Variants in DLEU7 observed in about 807,000 individuals in gnomAD.
DLEU7 encodes the protein leukemia-associated protein 7.
Under a neutral mutation model 16.0 loss-of-function variants are expected in DLEU7, and 17 were observed. That is an observed-to-expected ratio of 1.06 (90% CI 0.73 to 1.59). The LOEUF is 1.59. DLEU7 is among the 40% of genes most tolerant of loss of function. The pLI is 0.00. For missense variants in DLEU7, 308 were observed against 314.9 expected, an observed-to-expected ratio of 0.98 and a Z score of 0.17; for synonymous variants, 113 against 139.8, an observed-to-expected ratio of 0.81 and a Z score of 1.35.
chr13:50,792,624 A>G (rs1179398773), intron 1 of DLEU7, among the ~76,000 whole-genome samples: 1 of 94,604 alleles, frequency 1.1e-5, no homozygotes, highest in African/African-American at 3.5e-5. Context: ...AACTGAACTT[A>G]ATCAATCAAA....
intron 1 of DLEU7, among the ~76,000 whole-genome samples, chr13:50,737,507 G>C (rs759465670): frequency 1.9e-4 from 29 of 152,108 alleles, no homozygotes; most frequent in Non-Finnish European, 2.2e-4. Flanking sequence ...ATCACATTTT[G>C]GTAATTCTTC....
At chr13:50,797,215 GA>G (rs1876130249) in intron 1 of DLEU7, among the ~76,000 whole-genome samples, 1 of 152,106 alleles carries the variant, frequency 6.6e-6, no homozygotes, top group South Asian at 2.1e-4. Flanking sequence ...TAGTTGGCAT[GA>G]AAAAGCGTGC....
intron 1 of DLEU7, among the ~76,000 whole-genome samples, chr13:50,804,419 G>GTT (rs1163813483): frequency 7.0e-6 from 1 of 143,852 alleles, no homozygotes; most frequent in African/African-American, 2.5e-5. Flanking sequence ...GTTTTATGGG[G>GTT]TTTTTTTTTT....
At chr13:50,749,090 C>T (rs1874487043) in intron 1 of DLEU7, among the ~76,000 whole-genome samples, 1 of 151,040 alleles carries the variant, frequency 6.6e-6, no homozygotes, top group Non-Finnish European at 1.5e-5. Flanking sequence ...ATTCTTATAC[C>T]TTTGTGTCCT....
At chr13:50,752,287 G>A (rs551239501) in intron 1 of DLEU7, among the ~76,000 whole-genome samples, 16 of 152,126 alleles carry the variant, frequency 1.1e-4, no homozygotes, top group Admixed American at 5.2e-4. Context: ...TCCTGACCTC[G>A]TGATCCACCC....
intron 1 of DLEU7, among the ~76,000 whole-genome samples, chr13:50,716,308 A>G (rs1352575190): frequency 6.6e-6 from 1 of 152,238 alleles, no homozygotes; most frequent in Non-Finnish European, 1.5e-5. Context: ...CCCTTGTTTC[A>G]TTGAAATGTT....
At chr13:50,839,020 C>A (rs1015513525) in intron 1 of DLEU7, among the ~76,000 whole-genome samples, 2 of 152,142 alleles carry the variant, frequency 1.3e-5, no homozygotes, top group Non-Finnish European at 2.9e-5. Flanking sequence ...TAAGTCACCC[C>A]GTCTTTGGTA....
downstream of DLEU7, among the ~76,000 whole-genome samples, chr13:50,819,301 A>C (rs898341045): frequency 1.3e-5 from 2 of 152,132 alleles, no homozygotes; most frequent in Admixed American, 6.5e-5. Flanking sequence ...TCATATTTGA[A>C]GAGGTGAGTG....
intron 1 of DLEU7, among the ~76,000 whole-genome samples, chr13:50,725,732 C>T (rs1477515611): frequency 6.6e-6 from 1 of 152,142 alleles, no homozygotes; most frequent in Non-Finnish European, 1.5e-5. Context: ...GGTTCAGCTG[C>T]TGGGTTAATC....
At chr13:50,757,561 T>A (rs1845445837) in intron 1 of DLEU7, among the ~76,000 whole-genome samples, 1 of 152,208 alleles carries the variant, frequency 6.6e-6, no homozygotes, top group African/African-American at 2.4e-5. Flanking sequence ...ACTCGAGCGC[T>A]CACACCTTCA....
intron 1 of DLEU7, chr13:50,723,056 ATTAGTATG>A (rs1873666063): frequency 6.6e-6 from 1 of 152,216 alleles, no homozygotes; most frequent in Non-Finnish European, 1.5e-5. Context: ...AATGTTGAAC[ATTAGTATG>A]TTTCTAATTT....
Position 50,843,057 on chromosome 13 carries a change from C to T in DLEU7, c.459+131G>A, listed in dbSNP as rs1877723357. 1 of 960,862 alleles carries T rather than the reference C, an allele frequency of 1.0e-6. No homozygotes were observed. The highest frequency in any genetic ancestry group is 1.5e-6 in the Non-Finnish European group (1 of 685,168). 59.5% of individuals were successfully genotyped at this position (960,862 alleles called of 1,614,324 possible). A position where few individuals can be genotyped will look rare whatever the true frequency, so the allele number is the denominator to read the frequency against. Reference sequence around the variant, plus strand: ...GTCCCCCGCCCCCTTCCTTCTCCCACTGGGGCTGAATCACAGTGGGCAGCA... The same window carrying T: ...GTCCCCCGCCCCCTTCCTTCTCCCATTGGGGCTGAATCACAGTGGGCAGCA... On this transcript the variant is annotated intron_variant, in intron 1 of 1. Coordinates refer to ENST00000504404, the MANE Select transcript of DLEU7 (RefSeq NM_001306135.2). The surrounding 1 kb of genome is among the most constrained non-coding windows in gnomAD (Gnocchi z 5.7).
intron 1 of DLEU7, among the ~76,000 whole-genome samples, chr13:50,830,499 T>C (rs1877228658): frequency 6.6e-6 from 1 of 152,222 alleles, no homozygotes; most frequent in African/African-American, 2.4e-5. Flanking sequence ...ACCCCAATTC[T>C]ATGGAAGAAT....
chr13:50,785,980 C>T (rs1875784701), intron 1 of DLEU7, among the ~76,000 whole-genome samples: 1 of 152,178 alleles, frequency 6.6e-6, no homozygotes, highest in Non-Finnish European at 1.5e-5. Context: ...TGAACAGACT[C>T]TAGCATAAAG....
chr13:50,812,658 A>G (rs955772482), intron 1 of DLEU7, among the ~76,000 whole-genome samples: 1 of 152,162 alleles, frequency 6.6e-6, no homozygotes, highest in Non-Finnish European at 1.5e-5. Flanking sequence ...ACAGCTTTAC[A>G]TCAATCACAA....
chr13:50,774,489 A>G (rs1251204008), intron 1 of DLEU7, among the ~76,000 whole-genome samples: 1 of 152,148 alleles, frequency 6.6e-6, no homozygotes, highest in Non-Finnish European at 1.5e-5. Flanking sequence ...ATGTTTATAC[A>G]CTTCTACATA....
At chr13:50,753,380 C>G (rs561315869) in intron 1 of DLEU7, among the ~76,000 whole-genome samples, 1 of 152,176 alleles carries the variant, frequency 6.6e-6, no homozygotes, top group Non-Finnish European at 1.5e-5. Context: ...TGGGGAGGCT[C>G]GGGCTGCACA....
At position 50,767,584 on chromosome 13, in the gene DLEU7, C is replaced by A. The variant is rs183305205; in HGVS notation, c.460-54344G>T. Among the ~76,000 whole-genome samples the A allele has an allele frequency of 1.6e-3, 239 of 152,196 alleles. 1 individual carries two copies. The highest frequency in any genetic ancestry group is 3.3e-3 in the Admixed American group (51 of 15,302). ...TTCAAGAGGGAGAAGCATACTGAAC[C>A]CTGTCTGTCTTCCCCAGTGGAGCTC... is the stretch of plus-strand genomic sequence containing the variant. On this transcript the variant is annotated intron_variant, in intron 1 of 1. Transcript: ENST00000400393.
At chr13:50,797,688 A>G (rs1876141513) in intron 1 of DLEU7, among the ~76,000 whole-genome samples, 1 of 152,208 alleles carries the variant, frequency 6.6e-6, no homozygotes, top group Non-Finnish European at 1.5e-5. Context: ...GCATATAACT[A>G]AGGAAAATGG....
Sources: gnomAD v4.1 joint callset for allele counts (sites outside exome capture counted in the v4.1 genomes callset) on GRCh38, gnomAD v4.1.1 for gene constraint, Gnocchi (gnomAD v3.1) non-coding constraint, MANE v1.5 for transcripts, NCBI Gene and HGNC (gene_info 2026-07-23, HGNC 2026-07-21) for gene names.